Variants in SOX6 observed in about 807,000 individuals in gnomAD.
SOX6 encodes the protein SRY-box transcription factor 6, also known as transcription factor SOX-6.
Under a neutral mutation model 97.8 loss-of-function variants are expected in SOX6, and 11 were observed. The observed-to-expected ratio is 0.11, with a 90% CI of 0.07 to 0.19. The LOEUF is 0.19. Ranked by LOEUF, SOX6 falls within the 10% of genes least tolerant of loss-of-function variation. The probability of loss-of-function intolerance (pLI) is 1.00; values close to 1 mark genes in which losing one functional copy is unlikely to be tolerated. For synonymous variants in SOX6, 360 were observed against 371.4 expected (o/e 0.97, Z 0.35); for missense variants, 810 against 1,039.5 (o/e 0.78, Z 3.04).
At chr11:16,159,142 G>C (rs1850677253) in intron 6 of SOX6, among the ~76,000 whole-genome samples, 1 of 152,028 alleles carries the variant, frequency 6.6e-6, no homozygotes, top group Non-Finnish European at 1.5e-5. Context: ...TCATCAAACT[G>C]TTTATTAGTT....
At chr11:16,436,099 T>C (rs1177876980) in intron 1 of SOX6, among the ~76,000 whole-genome samples, 1 of 152,204 alleles carries the variant, frequency 6.6e-6, no homozygotes, top group African/African-American at 2.4e-5. Flanking sequence ...CAGAATTTGA[T>C]ACTCATATAT....
chr11:16,726,613 T>A (rs1296137760), intron 2 of SOX6, among the ~76,000 whole-genome samples: 1 of 152,208 alleles, frequency 6.6e-6, no homozygotes, highest in Non-Finnish European at 1.5e-5. Context: ...TAACAATTTA[T>A]GCAATAACAA....
chr11:16,419,926 C>T (rs1858993602), intron 1 of SOX6, among the ~76,000 whole-genome samples: 1 of 152,166 alleles, frequency 6.6e-6, no homozygotes, highest in African/African-American at 2.4e-5. Flanking sequence ...AACATCCCTA[C>T]ATGACGGGGG....
chr11:16,268,298 A>G (rs1854142972), intron 3 of SOX6, among the ~76,000 whole-genome samples: 1 of 151,204 alleles, frequency 6.6e-6, no homozygotes, highest in South Asian at 2.1e-4. Flanking sequence ...TACCCCATAA[A>G]TACATACAAC....
chr11:16,685,697 A>G (rs1847963787), intron 3 of SOX6, among the ~76,000 whole-genome samples: 1 of 152,256 alleles, frequency 6.6e-6, no homozygotes, highest in Non-Finnish European at 1.5e-5. Flanking sequence ...GCAAGCTGTC[A>G]GTGGATCTGT....
intron 2 of SOX6, among the ~76,000 whole-genome samples, chr11:16,340,153 T>G (rs1385511613): frequency 6.6e-6 from 1 of 152,072 alleles, no homozygotes; most frequent in Non-Finnish European, 1.5e-5. Context: ...GCATTGTAAA[T>G]ATTACCTTAT....
intron 1 of SOX6, among the ~76,000 whole-genome samples, chr11:16,399,716 A>G (rs1858494250): frequency 6.6e-6 from 1 of 151,404 alleles, no homozygotes; most frequent in African/African-American, 2.4e-5. Context: ...CAGATGAGGA[A>G]AGGGATAAGG....
At chr11:16,383,482 A>G (rs1242776396) in intron 1 of SOX6, among the ~76,000 whole-genome samples, 1 of 151,896 alleles carries the variant, frequency 6.6e-6, no homozygotes, top group Admixed American at 6.6e-5. Context: ...CCAATAATAT[A>G]ATCTTGGGCA....
At chr11:16,589,161 C>T (rs1848124920) in intron 4 of SOX6, among the ~76,000 whole-genome samples, 1 of 152,236 alleles carries the variant, frequency 6.6e-6, no homozygotes, top group African/African-American at 2.4e-5. Context: ...AGAAGAGTGT[C>T]ATCTGGAGAC....
At chr11:16,364,495 C>T (rs144295158) in intron 1 of SOX6, among the ~76,000 whole-genome samples, 6 of 152,054 alleles carry the variant, frequency 3.9e-5, no homozygotes, top group Non-Finnish European at 5.9e-5. Context: ...TTGAGGGCAA[C>T]AAGACTGTTC....
At chr11:16,637,136 A>G (rs1429035444) in intron 3 of SOX6, among the ~76,000 whole-genome samples, 1 of 151,818 alleles carries the variant, frequency 6.6e-6, no homozygotes, top group Non-Finnish European at 1.5e-5. Flanking sequence ...TTTCTTCCTT[A>G]CTTTCCCATT....
At chr11:16,333,044 A>AT (rs1856354597) in intron 2 of SOX6, among the ~76,000 whole-genome samples, 1 of 152,140 alleles carries the variant, frequency 6.6e-6, no homozygotes, top group African/African-American at 2.4e-5. Context: ...GTTTGACTGA[A>AT]TAACGAGAGA....
chr11:15,967,349 A>G lies in SOX6; in HGVS notation c.*5460T>C, dbSNP rs1853166958. ...CCCAACAGCCCTACACAAACTTTAC[A>G]CTTTGAAACAGCAGCCAGCATGTCA... is the stretch of plus-strand genomic sequence containing the variant. On this transcript the variant is annotated 3_prime_UTR_variant, in exon 16 of 16. Transcript: ENST00000683767. 6.6e-6 allele frequency: 1 copy of G among 152,218 alleles called. No homozygotes were observed. The highest frequency in any genetic ancestry group is 2.1e-4 in the South Asian group (1 of 4,838). 9.4% of individuals were successfully genotyped at this position (152,218 alleles called of 1,614,324 possible).
chr11:16,724,971 A>AAT (rs1848295970), intron 2 of SOX6, among the ~76,000 whole-genome samples: 1 of 152,350 alleles, frequency 6.6e-6, no homozygotes, highest in African/African-American at 2.4e-5. Context: ...CAAAAAGTTA[A>AAT]ATATAGTGTA....
chr11:16,469,998 C>T (rs748362212), intron 1 of SOX6, among the ~76,000 whole-genome samples: 3 of 152,042 alleles, frequency 2.0e-5, no homozygotes, highest in Admixed American at 1.3e-4. Flanking sequence ...TATACACATT[C>T]AGATTAGCAA....
intron 3 of SOX6, among the ~76,000 whole-genome samples, chr11:16,261,437 A>G (rs979116477): frequency 5.9e-5 from 9 of 152,140 alleles, no homozygotes; most frequent in Non-Finnish European, 1.0e-4. Context: ...TAATGTAACA[A>G]AAGGTTGGCT....
intron 6 of SOX6, among the ~76,000 whole-genome samples, chr11:16,154,046 C>A (rs983627954): frequency 6.6e-6 from 1 of 152,008 alleles, no homozygotes; most frequent in Admixed American, 6.6e-5. Context: ...TTATTCCTCC[C>A]AGCTCAAATC....
chr11:16,708,023 T>C (rs372741716), intron 3 of SOX6, among the ~76,000 whole-genome samples: 16 of 152,180 alleles, frequency 1.1e-4, no homozygotes, highest in African/African-American at 3.9e-4. Context: ...ATGTTACTGC[T>C]CTGAGACCAA....
intron 1 of SOX6, among the ~76,000 whole-genome samples, chr11:16,376,741 C>A (rs1419034033): frequency 3.3e-5 from 5 of 152,044 alleles, no homozygotes; most frequent in Non-Finnish European, 7.4e-5. Flanking sequence ...CAGGACAGAT[C>A]AACTTAAATT....
Sources: gnomAD v4.1 joint callset for allele counts (sites outside exome capture counted in the v4.1 genomes callset) on GRCh38, gnomAD v4.1.1 for gene constraint, MANE v1.5 for transcripts, NCBI Gene and HGNC (gene_info 2026-07-23, HGNC 2026-07-21) for gene names.